Variants in PRRT2 observed in about 807,000 individuals in gnomAD.
The protein encoded by PRRT2 is proline rich transmembrane protein 2, also known as proline-rich transmembrane protein 2.
PRRT2 carries 9 observed loss-of-function variants against 24.7 expected under a neutral mutation model. The ratio of observed to expected loss-of-function variants is 0.36; its 90% confidence interval spans 0.22 to 0.64. The LOEUF (loss-of-function observed/expected upper bound fraction) is 0.64. Ranked by LOEUF, PRRT2 falls within the 30% of genes least tolerant of loss-of-function variation. The pLI is 0.65. For synonymous variants in PRRT2, 195 were observed against 175.5 expected (o/e 1.11, Z -0.88); for missense variants, 460 against 435.0 (o/e 1.06, Z -0.51).
chr16:29,812,944 G>C, intron 1 of PRRT2, 46 bp from the exon 2 acceptor site: 3 of 1,204,368 alleles, frequency 2.5e-6, no homozygotes, highest in Non-Finnish European at 2.3e-6. Context: ...GCAGTGCTGA[G>C]CGCCCTCTTC....
rs10569553 is a variant in PRRT2 at position 29,815,724 on chromosome 16, T to TAAAAAAAA, written c.*1106_*1113dup. 12 of 30,356 alleles carry TAAAAAAAA rather than the reference T, an allele frequency of 4.0e-4. No individual in the cohort carries two copies. The highest frequency in any genetic ancestry group is 1.2e-3 in the African/African-American group (9 of 7,376). 1.9% of individuals were successfully genotyped at this position (30,356 alleles called of 1,614,324 possible). A position where few individuals can be genotyped will look rare whatever the true frequency, so the allele number is the denominator to read the frequency against. On this transcript the variant is annotated 3_prime_UTR_variant, in exon 4 of 4. Coordinates refer to ENST00000358758, the MANE Select transcript of PRRT2 (RefSeq NM_145239.3). ...CGGATTTGGCGGGGGTTTTTTTCCT[T>TAAAAAAAA]AAAAAAAAAAAAAAAAAAAAAAAAA... is the stretch of plus-strand genomic sequence containing the variant.
chr16:29,815,356 G>A lies in PRRT2; in HGVS notation c.*718G>A, dbSNP rs1291832423. 2 of 152,700 alleles carry A rather than the reference G, an allele frequency of 1.3e-5. No individual in the cohort carries two copies. The highest frequency in any genetic ancestry group is 4.8e-5 in the African/African-American group (2 of 41,424). The allele number at this position is 152,700 out of a possible 1,614,324, so 9.5% of individuals were successfully genotyped here. A position where few individuals can be genotyped will look rare whatever the true frequency, so the allele number is the denominator to read the frequency against. On this transcript the variant is annotated 3_prime_UTR_variant, in exon 4 of 4. Transcript: ENST00000358758. ...GCCTGGCAGGTCGCAGAGTTGGCAAGCCGGGCCTCGTATGGGGACTCGGGT... is the reference window on the plus strand; with the variant it reads ...GCCTGGCAGGTCGCAGAGTTGGCAAACCGGGCCTCGTATGGGGACTCGGGT...
intron 1 of PRRT2, among the ~76,000 whole-genome samples, 161 bp from the exon 2 acceptor site, chr16:29,812,829 G>A (rs1406221162): frequency 6.6e-6 from 1 of 151,748 alleles, no homozygotes; most frequent in Non-Finnish European, 1.5e-5. Flanking sequence ...CACTCCTCCC[G>A]CAGGGATGTC....
Position 29,813,194 on chromosome 16 carries a change from C to T in PRRT2, c.140C>T (p.Ala47Val). The T allele has an allele frequency of 6.2e-7, 1 of 1,613,960 alleles. No homozygotes were observed. Among genetic ancestry groups the T allele is most frequent in the Non-Finnish European group, 8.5e-7 (1 of 1,179,992 alleles). ...VLAGVPDQPE[A>V]PQPGPNTTAA... ...GCAGGGGTACCAGACCAGCCAGAGG[C>T]CCCGCAGCCAGGTCCAAACACCACT... Residue 47 changes from alanine (A) to valine (V), a missense_variant, in exon 2 of 4, where the codon GCC becomes GTC. By Grantham distance (64) the Ala-to-Val change is moderately conservative (BLOSUM62 0). Coordinates refer to ENST00000358758, the MANE Select transcript of PRRT2 (RefSeq NM_145239.3).
chr16:29,813,109 A>C lies in PRRT2; in HGVS notation c.55A>C (p.Lys19Gln), dbSNP rs775000504. The C allele has an allele frequency of 4.3e-6, 7 of 1,613,810 alleles. No individual in the cohort carries two copies. The South Asian group carries it at 7.7e-5, about 18-fold the overall frequency. Residue 19 changes from lysine to glutamine, a missense_variant, in exon 2 of 4, where the codon AAG becomes CAG. By Grantham distance (53) the Lys-to-Gln change is moderately conservative. This residue lies in a region of PRRT2 where 378 missense variants were observed against 324.6 expected (regional missense o/e 1.16). Transcript: ENST00000358758. ...SEMKGVEESP[K>Q]VPGEGPGHSE... The stretch of plus-strand genomic sequence containing the variant: ...GATGAAGGGGGTTGAGGAGAGTCCC[A>C]AGGTTCCAGGCGAAGGGCCTGGCCA...
Position 29,813,960 on chromosome 16 carries a change from G to C in PRRT2, c.879+27G>C, listed in dbSNP as rs539297856. 4 of 1,541,150 alleles carry C rather than the reference G, an allele frequency of 2.6e-6. No individual in the cohort carries two copies. In the East Asian group the frequency reaches 9.1e-5, roughly 35 times the overall value. On this transcript the variant is annotated intron_variant, in intron 2 of 3. Transcript: ENST00000358758. Reference sequence around the variant, plus strand: ...TGAGCCCCATGGGACCCTAGCCCAGGCCTGCTGTGGCTCCCAGCTTCCCGC... The same window carrying C: ...TGAGCCCCATGGGACCCTAGCCCAGCCCTGCTGTGGCTCCCAGCTTCCCGC...
At position 29,814,731 on chromosome 16, in the gene PRRT2, GC is replaced by G; in HGVS notation, c.*98del. The G allele has an allele frequency of 1.4e-6, 2 of 1,400,598 alleles. No homozygotes were observed. Among genetic ancestry groups the G allele is most frequent in the Non-Finnish European group, 1.9e-6 (2 of 1,032,000 alleles). The allele number at this position is 1,400,598 out of a possible 1,614,324, so 86.8% of individuals were successfully genotyped here. On this transcript the variant is annotated 3_prime_UTR_variant, in exon 4 of 4. Transcript: ENST00000358758. The surrounding 1 kb of genome is among the most constrained non-coding windows in gnomAD (Gnocchi z 4.1). ...GGGGGGAGCCCAACTGATGGCCCTG[GC>G]CCCCACCCCTAAGGACCAAGGGAGC...
Position 29,814,833 on chromosome 16 carries a change from C to A in PRRT2, c.*195C>A. 2 of 595,344 alleles carry A rather than the reference C, an allele frequency of 3.4e-6. No homozygotes were observed. Among genetic ancestry groups the A allele is most frequent in the Non-Finnish European group, 5.8e-6 (2 of 343,758 alleles). The allele number at this position is 595,344 out of a possible 1,614,324, so 36.9% of individuals were successfully genotyped here. A position where few individuals can be genotyped will look rare whatever the true frequency, so the allele number is the denominator to read the frequency against. Reference sequence around the variant, plus strand: ...TCCTCTGCCAACTGTAGGCCTGCCTCATCCCTGCACTGGTTCCAACCTCCC... The same window carrying A: ...TCCTCTGCCAACTGTAGGCCTGCCTAATCCCTGCACTGGTTCCAACCTCCC... On this transcript the variant is annotated 3_prime_UTR_variant, in exon 4 of 4. Transcript: ENST00000358758. The surrounding 1 kb of genome is among the most constrained non-coding windows in gnomAD (Gnocchi z 4.1).
Position 29,814,179 on chromosome 16 carries a change from C to G in PRRT2, c.880-154C>G. 6.7e-7 allele frequency: 1 copy of G among 1,494,130 alleles called. No individual in the cohort carries two copies. Among genetic ancestry groups the G allele is most frequent in the Non-Finnish European group, 8.8e-7 (1 of 1,131,064 alleles). The allele number at this position is 1,494,130 out of a possible 1,614,324, so 92.6% of individuals were successfully genotyped here. ...TCACACAGCCTCGCTGACCTGTGCC[C>G]TCCTCCCCCTGCCCCTTCACTCCTC... On this transcript the variant is annotated intron_variant, in intron 2 of 3. Transcript: ENST00000358758. This position sits in a 1 kb window ranked among gnomAD's most constrained non-coding sequence, Gnocchi z 4.1.
intron 1 of PRRT2, among the ~76,000 whole-genome samples, chr16:29,812,669 G>C (rs1002428298): frequency 1.3e-5 from 2 of 152,080 alleles, no homozygotes; most frequent in Admixed American, 6.5e-5. Flanking sequence ...CTGTCGGAGT[G>C]CTATTTGCAC....
In PRRT2 at chr16:29,813,662, C is replaced by T; in HGVS notation, c.608C>T (p.Pro203Leu). ...EEGPAPEPHSPPSKKSPPANG... is the reference protein window; with the variant it reads ...EEGPAPEPHSLPSKKSPPANG... ...GGCCCAGCCCCTGAGCCTCACTCAC[C>T]ACCCTCAAAAAAATCCCCCCCAGCC... Residue 203 changes from proline to leucine, a missense_variant, in exon 2 of 4, where the codon CCA (proline) becomes CTA (leucine). Pro to Leu is a moderately conservative substitution (Grantham distance 98, BLOSUM62 -3). This residue lies in a region of PRRT2 where 378 missense variants were observed against 324.6 expected (regional missense o/e 1.16). Coordinates refer to ENST00000358758, the MANE Select transcript of PRRT2 (RefSeq NM_145239.3). 6.2e-7 allele frequency: 1 copy of T among 1,610,218 alleles called. No homozygotes were observed. Among genetic ancestry groups the T allele is most frequent in the Non-Finnish European group, 8.5e-7 (1 of 1,178,138 alleles).
At position 29,814,172 on chromosome 16, in the gene PRRT2, C is replaced by T; in HGVS notation, c.880-161C>T. The T allele has an allele frequency of 6.7e-7, 1 of 1,494,446 alleles. No individual in the cohort carries two copies. Among genetic ancestry groups the T allele is most frequent in the Non-Finnish European group, 8.8e-7 (1 of 1,131,348 alleles). 92.6% of individuals were successfully genotyped at this position (1,494,446 alleles called of 1,614,324 possible). ...ACACGTGTCACACAGCCTCGCTGAC[C>T]TGTGCCCTCCTCCCCCTGCCCCTTC... On this transcript the variant is annotated intron_variant, in intron 2 of 3. Transcript: ENST00000358758. The surrounding 1 kb of genome is among the most constrained non-coding windows in gnomAD (Gnocchi z 4.1).
chr16:29,814,616 C>G lies in PRRT2; in HGVS notation c.1013-12C>G, dbSNP rs765953118. ...CCTCCCCCCGTCTGTCCTTCCCTCT[C>G]CTCTCCCACAGTGTATAAGTGAGGG... is the stretch of plus-strand genomic sequence containing the variant. On this transcript the variant is annotated splice_polypyrimidine_tract_variant and intron_variant, in intron 3 of 3. Coordinates refer to ENST00000358758, the MANE Select transcript of PRRT2 (RefSeq NM_145239.3). The surrounding 1 kb of genome is among the most constrained non-coding windows in gnomAD (Gnocchi z 4.1). 1 of 1,612,908 alleles carries G rather than the reference C, an allele frequency of 6.2e-7. No individual in the cohort carries two copies. The highest frequency in any genetic ancestry group is 2.2e-5 in the East Asian group (1 of 44,848).
intron 1 of PRRT2, 108 bp from the exon 2 acceptor site, chr16:29,812,882 T>G: frequency 1.5e-6 from 1 of 673,652 alleles, no homozygotes; most frequent in South Asian, 2.0e-5. Flanking sequence ...TTCCTCTCCC[T>G]AGAGGCAGTG....
chr16:29,814,648 C>A lies in PRRT2; in HGVS notation c.*10C>A. On this transcript the variant is annotated 3_prime_UTR_variant, in exon 4 of 4. Coordinates refer to ENST00000358758, the MANE Select transcript of PRRT2 (RefSeq NM_145239.3). The surrounding 1 kb of genome is among the most constrained non-coding windows in gnomAD (Gnocchi z 4.1). ...CACAGTGTATAAGTGAGGGGCTCTG[C>A]CCCGCATCCCAAGACTTTTCTTCCT... is the stretch of plus-strand genomic sequence containing the variant. 2 of 1,609,032 alleles carry A rather than the reference C, an allele frequency of 1.2e-6. No individual in the cohort carries two copies. The highest frequency in any genetic ancestry group is 1.7e-6 in the Non-Finnish European group (2 of 1,177,538).
chr16:29,812,669 G>A (rs1002428298), intron 1 of PRRT2, among the ~76,000 whole-genome samples: 6 of 152,080 alleles, frequency 3.9e-5, no homozygotes, highest in Non-Finnish European at 7.4e-5. Context: ...CTGTCGGAGT[G>A]CTATTTGCAC....
At position 29,814,011 on chromosome 16, in the gene PRRT2, T is replaced by G; in HGVS notation, c.879+78T>G. ...CAGCGCTGCAATAGAGCCTCTGGAG[T>G]AATCATGCCTTCCTTCCCCTCTCCT... On this transcript the variant is annotated intron_variant, in intron 2 of 3. Transcript: ENST00000358758. This position sits in a 1 kb window ranked among gnomAD's most constrained non-coding sequence, Gnocchi z 4.1. The G allele has an allele frequency of 1.3e-6, 2 of 1,511,646 alleles. No individual in the cohort carries two copies. Among genetic ancestry groups the G allele is most frequent in the Non-Finnish European group, 1.8e-6 (2 of 1,134,120 alleles). The allele number at this position is 1,511,646 out of a possible 1,614,324, so 93.6% of individuals were successfully genotyped here.
Position 29,812,987 on chromosome 16 carries a change from C to T in PRRT2, c.-65-3C>T, listed in dbSNP as rs1900052566. The T allele has an allele frequency of 6.6e-7, 1 of 1,505,568 alleles. No individual in the cohort carries two copies. The highest frequency in any genetic ancestry group is 2.3e-5 in the East Asian group (1 of 44,138). 93.3% of individuals were successfully genotyped at this position (1,505,568 alleles called of 1,614,324 possible). A position where few individuals can be genotyped will look rare whatever the true frequency, so the allele number is the denominator to read the frequency against. The stretch of plus-strand genomic sequence containing the variant: ...ACCCCAAGCCTATCTCCTCCTCTTC[C>T]AGGGTTTGCCGCTGTCTCTGCTATT... On this transcript the variant is annotated splice_region_variant and splice_polypyrimidine_tract_variant and intron_variant, in intron 1 of 3. Coordinates refer to ENST00000358758, the MANE Select transcript of PRRT2 (RefSeq NM_145239.3).
At position 29,813,493 on chromosome 16, in the gene PRRT2, G is replaced by C. The variant is rs79568162; in HGVS notation, c.439G>C (p.Asp147His). The C allele has an allele frequency of 4.4e-4, 707 of 1,613,684 alleles. 9 individuals carry two copies. The East Asian group carries it at 0.012, about 27-fold the overall frequency. Residue 147 changes from aspartate to histidine, a missense_variant, in exon 2 of 4, where the codon GAT becomes CAT. Coordinates refer to ENST00000358758, the MANE Select transcript of PRRT2 (RefSeq NM_145239.3). ...EPAPQPDPRP[D>H]SQPTPKPALQ... is the part of the protein sequence containing the mutation. ...TGCTCCCCAACCAGACCCCCGGCCA[G>C]ATTCCCAGCCTACCCCCAAGCCAGC...
Sources: gnomAD v4.1 joint callset for allele counts (sites outside exome capture counted in the v4.1 genomes callset) on GRCh38, gnomAD v4.1.1 for gene constraint, gnomAD v4.1.1 regional missense constraint, Gnocchi (gnomAD v3.1) non-coding constraint, MANE v1.5 for transcripts, NCBI Gene and HGNC (gene_info 2026-07-23, HGNC 2026-07-21) for gene names.